HTR2C: variants seen among roughly 807,000 people sequenced by gnomAD.
HTR2C encodes 5-hydroxytryptamine (serotonin) receptor 2C, G protein-coupled.
HTR2C carries 5 observed loss-of-function variants against 21.0 expected under a neutral mutation model. The ratio of observed to expected loss-of-function variants is 0.24; its 90% CI spans 0.12 to 0.50. The LOEUF is 0.50. Among genes scored for constraint, HTR2C ranks in the 20% least tolerant of loss-of-function variants. The probability of loss-of-function intolerance (pLI) is 0.98; values close to 1 mark genes in which losing one functional copy is unlikely to be tolerated. For missense variants in HTR2C, 271 were observed against 371.2 expected, an observed-to-expected ratio of 0.73 and a Z score of 2.22; for synonymous variants, 150 against 145.3, an observed-to-expected ratio of 1.03 and a Z score of -0.23.
chrX:114,715,339 G>A (rs1462904582), intron 2 of HTR2C: 15 of 382,415 alleles, frequency 3.9e-5, no homozygotes, highest in Admixed American at 3.3e-4. Context: ...CACTTTTCAT[G>A]ACTCAGCTGG....
chrX:114,885,923 T>G (rs782654422), intron 5 of HTR2C, among the ~76,000 whole-genome samples: 9 of 111,723 alleles, frequency 8.1e-5, no homozygotes, highest in Non-Finnish European at 1.5e-4. Context: ...ATTGTTTGAC[T>G]ACTTGTTCTT....
At chrX:114,851,403 G>A (rs1282779376) in intron 5 of HTR2C, among the ~76,000 whole-genome samples, 1 of 111,933 alleles carries the variant, frequency 8.9e-6, no homozygotes, top group Non-Finnish European at 1.9e-5. Context: ...TCGTATATTT[G>A]GAAATTAAGA....
intron 5 of HTR2C, among the ~76,000 whole-genome samples, chrX:114,885,138 C>T (rs2071211048): frequency 9.0e-6 from 1 of 110,619 alleles, no homozygotes; most frequent in South Asian, 3.8e-4. Flanking sequence ...ATGAGTTTAC[C>T]TATATAACAA....
intron 2 of HTR2C, among the ~76,000 whole-genome samples, chrX:114,631,941 C>G (rs970471867): frequency 1.8e-5 from 2 of 111,596 alleles, no homozygotes. Context: ...ATTGGTAAAC[C>G]CTTTGAAAGG....
intron 4 of HTR2C, among the ~76,000 whole-genome samples, chrX:114,830,117 C>G (rs2070708327): frequency 9.0e-6 from 1 of 111,672 alleles, no homozygotes; most frequent in Admixed American, 9.5e-5. Context: ...CATGGCCTAA[C>G]TTTCAAAATT....
intron 5 of HTR2C, among the ~76,000 whole-genome samples, chrX:114,870,645 C>T (rs782764633): frequency 2.7e-5 from 3 of 110,677 alleles, no homozygotes; most frequent in African/African-American, 9.8e-5. Flanking sequence ...CTGGTTCAAT[C>T]TTGGTAGGTT....
chrX:114,896,803 G>A (rs1410064357), intron 5 of HTR2C, among the ~76,000 whole-genome samples: 1 of 111,294 alleles, frequency 9.0e-6, no homozygotes, highest in African/African-American at 3.3e-5. Flanking sequence ...GAAAATCTCT[G>A]CCTCGTAACT....
At chrX:114,715,394 T>G (rs782490495) in intron 2 of HTR2C, 14 of 349,752 alleles carry the variant, frequency 4.0e-5, no homozygotes, top group South Asian at 2.9e-4. Flanking sequence ...GAAAAGTTTG[T>G]GATCTCTTAA....
intron 5 of HTR2C, among the ~76,000 whole-genome samples, chrX:114,880,103 A>T (rs898891524): frequency 5.4e-5 from 6 of 110,563 alleles, no homozygotes; most frequent in Non-Finnish European, 1.1e-4. Context: ...TATAATTAGT[A>T]GTGTTTAGTA....
chrX:114,704,189 A>C (rs1481376439), intron 2 of HTR2C, among the ~76,000 whole-genome samples: 2 of 111,785 alleles, frequency 1.8e-5, no homozygotes, highest in Non-Finnish European at 3.8e-5. Context: ...AAAAGAGGGA[A>C]TCCTCCCAAA....
chrX:114,644,832 T>C (rs1930301750), intron 2 of HTR2C, among the ~76,000 whole-genome samples: 1 of 111,068 alleles, frequency 9.0e-6, no homozygotes, highest in Admixed American at 9.7e-5. Flanking sequence ...TCTTAGTTCT[T>C]AATGCTGAGT....
intron 2 of HTR2C, among the ~76,000 whole-genome samples, chrX:114,642,576 T>C (rs1388872814): frequency 8.9e-6 from 1 of 112,187 alleles, no homozygotes; most frequent in East Asian, 2.8e-4. Context: ...GTATCTTATA[T>C]GTAACACGGG....
intron 1 of HTR2C, among the ~76,000 whole-genome samples, chrX:114,597,275 G>A (rs1927902354): frequency 9.7e-6 from 1 of 102,871 alleles, no homozygotes; most frequent in Admixed American, 1.1e-4. Flanking sequence ...AATTATACCC[G>A]ACATTGTAAA....
intron 2 of HTR2C, among the ~76,000 whole-genome samples, chrX:114,702,559 A>G (rs1265562655): frequency 2.7e-5 from 3 of 111,566 alleles, no homozygotes; most frequent in Non-Finnish European, 5.6e-5. Context: ...TCCTGGAGGA[A>G]GCACTAAACA....
chrX:114,785,589 G>A (rs1170865607), intron 4 of HTR2C, among the ~76,000 whole-genome samples: 1 of 110,325 alleles, frequency 9.1e-6, no homozygotes, highest in African/African-American at 3.3e-5. Context: ...TATCAATATG[G>A]AAAAAAAATC....
At chrX:114,650,761 G>T (rs1930531741) in intron 2 of HTR2C, among the ~76,000 whole-genome samples, 1 of 111,797 alleles carries the variant, frequency 8.9e-6, no homozygotes, top group African/African-American at 3.2e-5. Context: ...TGTTCAGTTT[G>T]CTTTCTATTG....
chrX:114,733,007 C>G (rs1221366571), intron 4 of HTR2C, among the ~76,000 whole-genome samples: 1 of 112,074 alleles, frequency 8.9e-6, no homozygotes, highest in Non-Finnish European at 1.9e-5. Flanking sequence ...ATTGAACTAT[C>G]TATTAGACTT....
At chrX:114,729,234 G>A (rs1556422749) in intron 3 of HTR2C, among the ~76,000 whole-genome samples, 1 of 111,923 alleles carries the variant, frequency 8.9e-6, no homozygotes, top group Non-Finnish European at 1.9e-5. Flanking sequence ...TTGGGATATA[G>A]CAAACATAAA....
intron 2 of HTR2C, among the ~76,000 whole-genome samples, chrX:114,655,116 G>C (rs141950158): frequency 0.015 from 1,682 of 110,281 alleles, 20 homozygotes; most frequent in Non-Finnish European, 0.022. Context: ...GGTATGATTA[G>C]GAATCAGATG....
Sources: gnomAD v4.1 joint callset for allele counts (sites outside exome capture counted in the v4.1 genomes callset) on GRCh38, gnomAD v4.1.1 for gene constraint, MANE v1.5 for transcripts, NCBI Gene and HGNC (gene_info 2026-07-23, HGNC 2026-07-21) for gene names.